Variants in SPG7 observed in about 807,000 individuals in gnomAD.
SPG7 encodes mitochondrial inner membrane m-AAA protease component paraplegin.
In SPG7, 103 loss-of-function variants were observed where a neutral mutation model predicts 81.9. The observed-to-expected ratio is 1.26, with a 90% CI of 1.07 to 1.48. SPG7 has a LOEUF of 1.48. Ranked by LOEUF, SPG7 falls within the 40% of genes most tolerant of loss-of-function variation. The probability of loss-of-function intolerance (pLI) is 0.00; values close to 1 mark genes in which losing one functional copy is unlikely to be tolerated. For missense variants in SPG7, 1,241 were observed against 1,087.3 expected, an observed-to-expected ratio of 1.14 and a Z score of -1.99; for synonymous variants, 534 against 444.2, an observed-to-expected ratio of 1.20 and a Z score of -2.54.
intron 2 of SPG7, 112 bp downstream of exon 2, chr16:89,510,704 G>C: frequency 1.4e-6 from 1 of 729,638 alleles, no homozygotes; most frequent in East Asian, 2.7e-5. Context: ...CTGTTGCACG[G>C]GCTGGAGTGC....
intron 9 of SPG7, among the ~76,000 whole-genome samples, chr16:89,542,440 TTTAAGACACTGTC>T (rs759175333): frequency 2.0e-5 from 3 of 152,218 alleles, no homozygotes; most frequent in Non-Finnish European, 2.9e-5. Flanking sequence ...TCACCGTGAT[TTTAAGACACTGTC>T]TTTGCCTTGG....
At chr16:89,550,797 G>A (rs1020302393) in intron 13 of SPG7, among the ~76,000 whole-genome samples, 188 bp downstream of exon 13, 3 of 152,198 alleles carry the variant, frequency 2.0e-5, no homozygotes, top group East Asian at 3.8e-4. Context: ...GGTGGGTGGC[G>A]ACTGATGGGC....
intron 16 of SPG7, 166 bp from the exon 17 acceptor site, chr16:89,556,720 GA>G (rs1482903520): frequency 1.5e-6 from 1 of 681,084 alleles, no homozygotes; most frequent in Non-Finnish European, 2.7e-6. Context: ...AGATGGGGGT[GA>G]TTCTTCTTTC....
intron 12 of SPG7, chr16:89,548,858 G>A (rs961074004): frequency 2.3e-5 from 10 of 441,188 alleles, no homozygotes; most frequent in African/African-American, 8.0e-5. Context: ...GTTTGAAAAG[G>A]GAAGTGGTTC....
intron 9 of SPG7, among the ~76,000 whole-genome samples, chr16:89,534,531 G>T (rs1386072100): frequency 6.6e-6 from 1 of 152,220 alleles, no homozygotes; most frequent in Non-Finnish European, 1.5e-5. Flanking sequence ...AGATGAGGGA[G>T]ACTTTTTTTC....
intron 2 of SPG7, 74 bp from the exon 3 acceptor site, chr16:89,512,874 G>T: frequency 1.3e-6 from 2 of 1,548,636 alleles, no homozygotes; most frequent in Non-Finnish European, 1.8e-6. Flanking sequence ...TTATTTAGGA[G>T]TACACTGTTG....
chr16:89,510,144 T>A (rs1162809841), intron 1 of SPG7, among the ~76,000 whole-genome samples: 5 of 151,730 alleles, frequency 3.3e-5, no homozygotes, highest in Non-Finnish European at 7.4e-5. Context: ...CCGGCTAATT[T>A]TTGTATTTTT....
At position 89,553,786 on chromosome 16, in the gene SPG7, C is replaced by A. The variant is rs2058660813; in HGVS notation, c.1937-8C>A. 6.2e-7 allele frequency: 1 copy of A among 1,613,254 alleles called. No homozygotes were observed. Among genetic ancestry groups the A allele is most frequent in the African/African-American group, 1.3e-5 (1 of 74,938 alleles). On this transcript the variant is annotated splice_region_variant and splice_polypyrimidine_tract_variant and intron_variant, in intron 14 of 16. Transcript: ENST00000645818. ...TGAGGATGCCTCTGTCTCGACCCCG[C>A]CCTCCAGGGGCACAGGACGACCTGA...
At chr16:89,508,858 G>GAC (rs1415812158) in intron 1 of SPG7, 1 of 665,194 alleles carries the variant, frequency 1.5e-6, no homozygotes, top group South Asian at 1.5e-5. Flanking sequence ...CGTCTGTTGT[G>GAC]TGTGGATGTT....
Position 89,532,607 on chromosome 16 carries a change from C to T in SPG7, c.1295C>T (p.Thr432Met), listed in dbSNP as rs781129301. ...TTCTCCAACACGGAGGAGGAGCAGA[C>T]GCTCAACCAGCTTCTGGTAGAAATG... is the stretch of plus-strand genomic sequence containing the variant. ...SGFSNTEEEQ[T>M]LNQLLVEMDG... Residue 432 changes from threonine (T) to methionine (M), a missense_variant, in exon 9 of 17, where the codon ACG becomes ATG. By Grantham distance (81) the Thr-to-Met change is moderately conservative. Transcript: ENST00000645818. 6.2e-6 allele frequency: 10 copies of T among 1,613,630 alleles called. No homozygotes were observed. Among genetic ancestry groups the T allele is most frequent in the African/African-American group, 4.0e-5 (3 of 74,934 alleles).
intron 1 of SPG7, among the ~76,000 whole-genome samples, chr16:89,509,759 CA>C (rs2057987167): frequency 6.6e-6 from 1 of 150,472 alleles, no homozygotes; most frequent in African/African-American, 2.4e-5. Context: ...GGATAGCAGC[CA>C]ATGTACTTCT....
At chr16:89,550,684 G>C in intron 13 of SPG7, 75 bp downstream of exon 13, 1 of 971,968 alleles carries the variant, frequency 1.0e-6, no homozygotes, top group Non-Finnish European at 1.6e-6. Flanking sequence ...GTCTGTAGCT[G>C]ACTGGGGAGT....
At chr16:89,534,190 C>G (rs1276090775) in intron 9 of SPG7, among the ~76,000 whole-genome samples, 2 of 152,216 alleles carry the variant, frequency 1.3e-5, no homozygotes, top group Non-Finnish European at 2.9e-5. Context: ...CCCTTGCAGC[C>G]TGTGTCCCGC....
At position 89,512,807 on chromosome 16, in the gene SPG7, A is replaced by G. The variant is rs545129491; in HGVS notation, c.287-141A>G. On this transcript the variant is annotated intron_variant, in intron 2 of 16. Coordinates refer to ENST00000645818, the MANE Select transcript of SPG7 (RefSeq NM_003119.4). ...TGATATAGGATATGCTTTATTTCATATTTATAAATCTTATGGATATAAGTA... is the reference window on the plus strand; with the variant it reads ...TGATATAGGATATGCTTTATTTCATGTTTATAAATCTTATGGATATAAGTA... 2.4e-5 allele frequency: 19 copies of G among 789,018 alleles called. 1 individual carries two copies. Among genetic ancestry groups the G allele is most frequent in the South Asian group, 2.3e-4 (16 of 68,876 alleles). 48.9% of individuals were successfully genotyped at this position (789,018 alleles called of 1,614,324 possible). A position where few individuals can be genotyped will look rare whatever the true frequency, so the allele number is the denominator to read the frequency against.
At chr16:89,537,680 C>CT in intron 9 of SPG7, 4 of 977,954 alleles carry the variant, frequency 4.1e-6, no homozygotes, top group Non-Finnish European at 4.9e-6. Flanking sequence ...ATGCCAGGCT[C>CT]TGTTTTTTCA....
intron 2 of SPG7, among the ~76,000 whole-genome samples, chr16:89,510,861 T>C (rs1365886016): frequency 6.6e-6 from 1 of 152,184 alleles, no homozygotes; most frequent in East Asian, 1.9e-4. Flanking sequence ...GGTCTCACTT[T>C]GTTGTCCAGG....
intron 3 of SPG7, 124 bp downstream of exon 3, chr16:89,513,161 A>G (rs2058045136): frequency 1.4e-6 from 2 of 1,410,334 alleles, no homozygotes; most frequent in East Asian, 5.4e-5. Flanking sequence ...AGTGGCTCAC[A>G]CTTGTAATCG....
In SPG7 at chr16:89,526,784, A is replaced by G. The variant is rs112355651; in HGVS notation, c.758+316A>G. 5.2e-3 allele frequency: 1,831 copies of G among 351,622 alleles called. 47 individuals carry two copies. Among genetic ancestry groups the G allele is most frequent in the African/African-American group, 0.038 (1,650 of 43,136 alleles). 21.8% of individuals were successfully genotyped at this position (351,622 alleles called of 1,614,324 possible). A position where few individuals can be genotyped will look rare whatever the true frequency, so the allele number is the denominator to read the frequency against. ...TGCCGAAGTCTCAGCCCCCGACGTAAGATGCCGAAGTCTCAGCCCCCGACG... is the reference window on the plus strand; with the variant it reads ...TGCCGAAGTCTCAGCCCCCGACGTAGGATGCCGAAGTCTCAGCCCCCGACG... On this transcript the variant is annotated intron_variant, in intron 5 of 16. Coordinates refer to ENST00000645818, the MANE Select transcript of SPG7 (RefSeq NM_003119.4).
intron 9 of SPG7, chr16:89,544,073 TTCCC>T: frequency 5.6e-6 from 1 of 178,322 alleles, no homozygotes. Context: ...CAGTCAGGTG[TTCCC>T]AGCAGCTTCA....
Sources: gnomAD v4.1 joint callset for allele counts (sites outside exome capture counted in the v4.1 genomes callset) on GRCh38, gnomAD v4.1.1 for gene constraint, MANE v1.5 for transcripts, NCBI Gene and HGNC (gene_info 2026-07-23, HGNC 2026-07-21) for gene names.